Variants in FRMD4A observed in about 807,000 individuals in gnomAD.
FRMD4A encodes FERM domain-containing protein 4A.
In FRMD4A, 29 loss-of-function variants were observed where a neutral mutation model predicts 129.1. That is an observed-to-expected ratio of 0.22 (90% CI 0.17 to 0.31). The LOEUF is 0.31. FRMD4A is among the 10% of genes least tolerant of loss of function. The pLI, the probability that FRMD4A is intolerant of heterozygous loss-of-function variation, is 1.00. For missense variants in FRMD4A, 1,272 were observed against 1,375.8 expected (o/e 0.92, Z 1.19); for synonymous variants, 634 against 571.6 (o/e 1.11, Z -1.56).
intron 2 of FRMD4A, among the ~76,000 whole-genome samples, chr10:14,261,897 C>G (rs1039763715): frequency 3.3e-5 from 5 of 150,212 alleles, no homozygotes; most frequent in African/African-American, 1.2e-4. Flanking sequence ...GTGCTCCAAC[C>G]CAGCCTCTGT....
At chr10:13,863,002 T>A (rs1382737314) in intron 2 of FRMD4A, among the ~76,000 whole-genome samples, 2 of 151,666 alleles carry the variant, frequency 1.3e-5, no homozygotes, top group Admixed American at 6.6e-5. Context: ...AGCCCTGGCA[T>A]CACCCTCAAA....
chr10:14,297,248 C>T (rs1846039555), intron 2 of FRMD4A, among the ~76,000 whole-genome samples: 1 of 151,918 alleles, frequency 6.6e-6, no homozygotes, highest in African/African-American at 2.4e-5. Flanking sequence ...AGGTGTACTT[C>T]TAAGGCACAT....
chr10:14,165,771 C>T (rs1343357998), intron 2 of FRMD4A, among the ~76,000 whole-genome samples: 10 of 152,174 alleles, frequency 6.6e-5, no homozygotes, highest in Admixed American at 6.5e-4. Flanking sequence ...CCAAATACCA[C>T]ATGTTCTCGC....
intron 2 of FRMD4A, among the ~76,000 whole-genome samples, chr10:14,251,962 T>G (rs1012537891): frequency 1.4e-4 from 22 of 152,228 alleles, no homozygotes; most frequent in African/African-American, 4.8e-4. Flanking sequence ...TTATGATGAT[T>G]ATTAAAGCAT....
intron 2 of FRMD4A, among the ~76,000 whole-genome samples, chr10:14,069,995 A>G (rs1415170624): frequency 6.6e-6 from 1 of 152,162 alleles, no homozygotes; most frequent in Non-Finnish European, 1.5e-5. Flanking sequence ...CATATGCCTT[A>G]AAGAACAAGT....
chr10:13,694,529 G>A (rs373820914), intron 14 of FRMD4A, among the ~76,000 whole-genome samples: 1 of 152,050 alleles, frequency 6.6e-6, no homozygotes, highest in Non-Finnish European at 1.5e-5. Flanking sequence ...ATTATTTAGT[G>A]CTTAAACAAG....
intron 12 of FRMD4A, among the ~76,000 whole-genome samples, chr10:13,737,297 C>T (rs1330805327): frequency 6.6e-6 from 1 of 152,188 alleles, no homozygotes; most frequent in Non-Finnish European, 1.5e-5. Flanking sequence ...ACCATGTTGG[C>T]CAGGCTGGTA....
At chr10:13,674,360 C>T (rs1039849207) in intron 16 of FRMD4A, among the ~76,000 whole-genome samples, 1 of 152,170 alleles carries the variant, frequency 6.6e-6, no homozygotes, top group Non-Finnish European at 1.5e-5. Context: ...AACCACCATG[C>T]AAGTATGAGG....
chr10:14,261,824 G>A (rs547943519), intron 2 of FRMD4A, among the ~76,000 whole-genome samples: 2 of 152,120 alleles, frequency 1.3e-5, no homozygotes, highest in South Asian at 4.2e-4. Context: ...AAACTGTAAA[G>A]GTCTCTTAAT....
intron 2 of FRMD4A, among the ~76,000 whole-genome samples, chr10:13,859,341 G>A (rs1045699991): frequency 1.1e-4 from 17 of 151,978 alleles, no homozygotes; most frequent in Admixed American, 9.8e-4. Flanking sequence ...CCGAGATCGC[G>A]CCACTGCACT....
intron 2 of FRMD4A, among the ~76,000 whole-genome samples, chr10:13,912,590 G>A (rs1325497712): frequency 7.0e-6 from 1 of 142,804 alleles, no homozygotes; most frequent in Non-Finnish European, 1.5e-5. Context: ...GTGCAGTGGC[G>A]CGATCTCGGC....
At chr10:13,665,682 C>T (rs963034595) in intron 18 of FRMD4A, among the ~76,000 whole-genome samples, 3 of 152,152 alleles carry the variant, frequency 2.0e-5, no homozygotes, top group African/African-American at 4.8e-5. Context: ...GGGGGCCGCT[C>T]GAAGACAGGG....
At chr10:13,861,227 C>A (rs1487626008) in intron 2 of FRMD4A, among the ~76,000 whole-genome samples, 1 of 152,140 alleles carries the variant, frequency 6.6e-6, no homozygotes, top group African/African-American at 2.4e-5. Context: ...GAAGCCCTAA[C>A]CCCCAATGTA....
At chr10:13,924,159 A>G (rs1453950006) in intron 2 of FRMD4A, among the ~76,000 whole-genome samples, 2 of 152,166 alleles carry the variant, frequency 1.3e-5, no homozygotes, top group Non-Finnish European at 2.9e-5. Flanking sequence ...TCTGTTGCCC[A>G]ATGAGGGAAT....
intron 16 of FRMD4A, 114 bp from the exon 17 acceptor site, chr10:13,670,642 G>T: frequency 1.0e-6 from 1 of 958,562 alleles, no homozygotes; most frequent in Non-Finnish European, 1.6e-6. Context: ...CATGCACTTC[G>T]ATACAGGTCA....
intron 8 of FRMD4A, 84 bp from the exon 9 acceptor site, chr10:13,747,903 C>A: frequency 1.3e-6 from 1 of 784,430 alleles, no homozygotes; most frequent in Non-Finnish European, 2.3e-6. Flanking sequence ...GCTGTCTTGT[C>A]TGAGAGACCC....
chr10:13,873,639 C>A (rs1360720574), intron 2 of FRMD4A, among the ~76,000 whole-genome samples: 1 of 152,182 alleles, frequency 6.6e-6, no homozygotes, highest in African/African-American at 2.4e-5. Context: ...CTCTGTCTCC[C>A]AGGTTCAAGT....
At chr10:14,217,195 A>G (rs1268770175) in intron 2 of FRMD4A, among the ~76,000 whole-genome samples, 2 of 152,364 alleles carry the variant, frequency 1.3e-5, no homozygotes, top group African/African-American at 4.8e-5. Flanking sequence ...GGTGTCAAAT[A>G]AAATTGTCCC....
intron 2 of FRMD4A, among the ~76,000 whole-genome samples, chr10:14,185,511 T>C (rs529418844): frequency 3.3e-5 from 5 of 152,158 alleles, no homozygotes; most frequent in African/African-American, 9.6e-5. Context: ...AAGTATTTTT[T>C]GGAGGTTTGT....
Sources: gnomAD v4.1 joint callset for allele counts (sites outside exome capture counted in the v4.1 genomes callset) on GRCh38, gnomAD v4.1.1 for gene constraint, MANE v1.5 for transcripts, NCBI Gene and HGNC (gene_info 2026-07-23, HGNC 2026-07-21) for gene names.